The following WDR64 variants were observed in gnomAD, a reference collection of about 807,000 sequenced individuals.
WDR64 encodes the protein WD repeat domain 64.
Under a neutral mutation model 139.3 loss-of-function variants are expected in WDR64, and 112 were observed. The observed-to-expected ratio is 0.80, with a 90% CI of 0.69 to 0.94. WDR64 has a LOEUF of 0.94. Among genes scored for constraint, WDR64 ranks in the 40% least tolerant of loss-of-function variants. The pLI, the probability that WDR64 is intolerant of heterozygous loss-of-function variation, is 0.00. For synonymous variants in WDR64, 444 were observed against 437.7 expected, an observed-to-expected ratio of 1.01 and a Z score of -0.18; for missense variants, 1,206 against 1,293.1, an observed-to-expected ratio of 0.93 and a Z score of 1.03.
intron 25 of WDR64, among the ~76,000 whole-genome samples, chr1:241,792,399 G>A (rs1659237385): frequency 6.6e-6 from 1 of 152,120 alleles, no homozygotes; most frequent in Admixed American, 6.5e-5. Context: ...AGTGGGACGT[G>A]GTGGTGTGCA....
chr1:241,747,428 A>G (rs1227583030), intron 13 of WDR64, among the ~76,000 whole-genome samples: 3 of 152,234 alleles, frequency 2.0e-5, no homozygotes, highest in Non-Finnish European at 4.4e-5. Context: ...AAAGGTACAC[A>G]GGACTCTACT....
At position 241,801,581 on chromosome 1, in the gene WDR64, G is replaced by C. The variant is rs1029636167; in HGVS notation, c.*366G>C. 1 of 403,342 alleles carries C rather than the reference G, an allele frequency of 2.5e-6. No homozygotes were observed. Among genetic ancestry groups the C allele is most frequent in the African/African-American group, 2.1e-5 (1 of 48,742 alleles). 25.0% of individuals were successfully genotyped at this position (403,342 alleles called of 1,614,324 possible). ...ACAGCAAGAATGACTGTCAGAACAT[G>C]TGCAGTAAAAGGCACTTTCAAGTCA... On this transcript the variant is annotated 3_prime_UTR_variant, in exon 28 of 28. Coordinates refer to ENST00000437684, the MANE Select transcript of WDR64 (RefSeq NM_001367482.1).
chr1:241,690,256 A>T (rs1667163461), intron 8 of WDR64, among the ~76,000 whole-genome samples: 1 of 152,128 alleles, frequency 6.6e-6, no homozygotes, highest in Non-Finnish European at 1.5e-5. Context: ...GTGCATCACA[A>T]GGTCAGGAGT....
At chr1:241,786,920 C>A (rs1394660992) in intron 23 of WDR64, among the ~76,000 whole-genome samples, 2 of 152,166 alleles carry the variant, frequency 1.3e-5, no homozygotes, top group Non-Finnish European at 2.9e-5. Context: ...GAGGCCATTA[C>A]CCTTAGCAAC....
At chr1:241,765,783 A>G (rs1254380643) in intron 15 of WDR64, among the ~76,000 whole-genome samples, 1 of 152,194 alleles carries the variant, frequency 6.6e-6, no homozygotes, top group Non-Finnish European at 1.5e-5. Flanking sequence ...TCTAACAAAT[A>G]TTTGAGGCAA....
chr1:241,731,483 A>G (rs376823175), intron 10 of WDR64, among the ~76,000 whole-genome samples: 25 of 129,384 alleles, frequency 1.9e-4, no homozygotes, highest in African/African-American at 7.7e-4. Context: ...GATAACTACA[A>G]GTGTGATAAC....
At chr1:241,662,297 G>T (rs377248941) in intron 2 of WDR64, among the ~76,000 whole-genome samples, 3 of 152,142 alleles carry the variant, frequency 2.0e-5, no homozygotes, top group East Asian at 3.8e-4. Flanking sequence ...TGCAATCAAG[G>T]TGTTGGCAAA....
intron 8 of WDR64, among the ~76,000 whole-genome samples, chr1:241,696,842 T>G (rs534949667): frequency 4.4e-4 from 67 of 152,266 alleles, no homozygotes; most frequent in African/African-American, 1.5e-3. Flanking sequence ...TGACCTTCTA[T>G]CTCATCCTGT....
At chr1:241,733,999 G>A (rs1464548609) in intron 10 of WDR64, among the ~76,000 whole-genome samples, 1 of 152,044 alleles carries the variant, frequency 6.6e-6, no homozygotes, top group African/African-American at 2.4e-5. Flanking sequence ...AGCCTTGGGG[G>A]GCTGAAAATC....
At chr1:241,733,020 A>C (rs1669152102) in intron 10 of WDR64, among the ~76,000 whole-genome samples, 1 of 152,176 alleles carries the variant, frequency 6.6e-6, no homozygotes, top group African/African-American at 2.4e-5. Flanking sequence ...TAATTCTTAC[A>C]AAAGGCTCCA....
At chr1:241,705,559 A>AAATAAATAAATAAATAAT (rs376010669) in intron 8 of WDR64, among the ~76,000 whole-genome samples, 6 of 136,648 alleles carry the variant, frequency 4.4e-5, no homozygotes, top group African/African-American at 1.1e-4. Flanking sequence ...ATAAATAAAT[A>AAATAAATAAATAAATAAT]AATAATAATA....
intron 8 of WDR64, among the ~76,000 whole-genome samples, chr1:241,711,520 C>T (rs1327702457): frequency 2.0e-5 from 3 of 152,142 alleles, no homozygotes; most frequent in Non-Finnish European, 2.9e-5. Context: ...TATAACAGGT[C>T]GGCCCATCCT....
chr1:241,674,617 T>G (rs764166409), intron 3 of WDR64, 27 bp from the exon 4 acceptor site: 6 of 1,443,394 alleles, frequency 4.2e-6, no homozygotes, highest in South Asian at 2.6e-5. Context: ...CTGCTGAAAG[T>G]TGAAATGAAT....
intron 2 of WDR64, among the ~76,000 whole-genome samples, chr1:241,664,220 C>T (rs1011286607): frequency 6.6e-6 from 1 of 152,136 alleles, no homozygotes; most frequent in Non-Finnish European, 1.5e-5. Flanking sequence ...TGTCATTAAA[C>T]TTGGGATAGA....
chr1:241,673,341 A>T (rs544509334), intron 3 of WDR64, among the ~76,000 whole-genome samples: 66 of 151,474 alleles, frequency 4.4e-4, no homozygotes, highest in Non-Finnish European at 7.4e-4. Flanking sequence ...AATAAAATTT[A>T]AAAAAAAATA....
chr1:241,747,379 C>T (rs938614670), intron 13 of WDR64, among the ~76,000 whole-genome samples: 1 of 152,064 alleles, frequency 6.6e-6, no homozygotes, highest in East Asian at 1.9e-4. Context: ...AGGATTATAC[C>T]GTAGTCACAT....
chr1:241,780,766 G>A (rs1206762430), intron 22 of WDR64, among the ~76,000 whole-genome samples: 5 of 151,980 alleles, frequency 3.3e-5, no homozygotes, highest in African/African-American at 4.8e-5. Context: ...TTAAGGTTTC[G>A]GTATTCAACT....
At chr1:241,791,654 A>G (rs1382904452) in intron 25 of WDR64, among the ~76,000 whole-genome samples, 1 of 151,968 alleles carries the variant, frequency 6.6e-6, no homozygotes, top group Non-Finnish European at 1.5e-5. Flanking sequence ...CTTGGGCGAA[A>G]GAGTGAGACC....
At position 241,794,286 on chromosome 1, in the gene WDR64, GT is replaced by G. The variant is rs201687612; in HGVS notation, c.2998-920del. Among the ~76,000 whole-genome samples the G allele has an allele frequency of 6.5e-3, 988 of 152,032 alleles. 9 individuals carry two copies. Among genetic ancestry groups the G allele is most frequent in the African/African-American group, 0.023 (946 of 41,482 alleles). ...ATGAGCAAAGATACATGCATAACCT[GT>G]AACAGATACTCAATTTTGTTGAATA... is the stretch of plus-strand genomic sequence containing the variant. On this transcript the variant is annotated intron_variant, in intron 25 of 27. Coordinates refer to ENST00000437684, the MANE Select transcript of WDR64 (RefSeq NM_001367482.1).
Sources: gnomAD v4.1 joint callset for allele counts (sites outside exome capture counted in the v4.1 genomes callset) on GRCh38, gnomAD v4.1.1 for gene constraint, MANE v1.5 for transcripts, NCBI Gene and HGNC (gene_info 2026-07-23, HGNC 2026-07-21) for gene names.